Variants in DNAH6 observed in about 807,000 individuals in gnomAD.
DNAH6 encodes the protein axonemal beta dynein heavy chain 6.
DNAH6 carries 340 observed loss-of-function variants against 491.4 expected under a neutral mutation model. The ratio of observed to expected loss-of-function variants is 0.69; its 90% CI spans 0.63 to 0.76. The LOEUF (loss-of-function observed/expected upper bound fraction) is 0.76. Among genes scored for constraint, DNAH6 ranks in the 30% least tolerant of loss-of-function variants. The pLI is 0.00. For synonymous variants in DNAH6, 1,603 were observed against 1,686.1 expected, an observed-to-expected ratio of 0.95 and a Z score of 1.21; for missense variants, 4,443 against 4,972.2, an observed-to-expected ratio of 0.89 and a Z score of 3.20.
chr2:84,568,494 A>G (rs1333412927), intron 11 of DNAH6, among the ~76,000 whole-genome samples: 2 of 152,306 alleles, frequency 1.3e-5, no homozygotes, highest in African/African-American at 4.8e-5. Context: ...ATTCTCACTT[A>G]TAAGTAGAAG....
chr2:84,525,301 C>A (rs896845445), intron 2 of DNAH6, among the ~76,000 whole-genome samples: 6 of 151,886 alleles, frequency 4.0e-5, no homozygotes, highest in Admixed American at 1.3e-4. Context: ...TACTTCTGAG[C>A]CTTTTCTGTT....
intron 62 of DNAH6, among the ~76,000 whole-genome samples, chr2:84,737,815 G>A (rs1253934048): frequency 6.6e-6 from 1 of 151,706 alleles, no homozygotes; most frequent in East Asian, 1.9e-4. Context: ...TGGTTTTTGA[G>A]GTCTCAATTT....
In DNAH6 at chr2:84,713,116, G is replaced by C; in HGVS notation, c.9400G>C (p.Ala3134Pro). ...TAAGCTTAAGGAAACCTTGGATCCA[G>C]CTCTAGAACCCATTCTTTTGAAACA... ...LEELKETLDP[A>P]LEPILLKQIF... The change falls in exon 57 of 77, where the codon GCT becomes CCT. Residue 3134 changes from alanine (A) to proline (P), a missense_variant. Transcript: ENST00000389394. 1 of 1,551,640 alleles carries C rather than the reference G, an allele frequency of 6.4e-7. No individual in the cohort carries two copies. Among genetic ancestry groups the C allele is most frequent in the Non-Finnish European group, 8.7e-7 (1 of 1,146,956 alleles).
chr2:84,787,436 G>A lies in DNAH6; in HGVS notation c.11239+134G>A, dbSNP rs1677313088. 4.7e-6 allele frequency: 3 copies of A among 641,012 alleles called. No homozygotes were observed. The South Asian group carries it at 7.1e-5, about 15-fold the overall frequency. 39.7% of individuals were successfully genotyped at this position (641,012 alleles called of 1,614,324 possible). On this transcript the variant is annotated intron_variant, in intron 68 of 76. Coordinates refer to ENST00000389394, the MANE Select transcript of DNAH6 (RefSeq NM_001370.2). ...GTGATGATGATATTTTATGTTCCTT[G>A]TGTGAAGACAAGATTGTAACAAAAA...
intron 18 of DNAH6, among the ~76,000 whole-genome samples, chr2:84,599,678 AT>A (rs113242440): frequency 0.072 from 10,960 of 152,110 alleles, 1,303 homozygotes; most frequent in African/African-American, 0.25. Flanking sequence ...AATTGACTAT[AT>A]TTTTTAGTCT....
At chr2:84,699,295 A>G (rs1050406849) in intron 47 of DNAH6, among the ~76,000 whole-genome samples, 3 of 152,136 alleles carry the variant, frequency 2.0e-5, no homozygotes, top group Non-Finnish European at 4.4e-5. Flanking sequence ...TCTGCCCCAC[A>G]GCAAAACCTT....
intron 37 of DNAH6, among the ~76,000 whole-genome samples, chr2:84,663,269 C>T (rs1691722879): frequency 6.6e-6 from 1 of 152,164 alleles, no homozygotes; most frequent in Admixed American, 6.5e-5. Flanking sequence ...AAGAAGGCCT[C>T]AGACGATCAG....
chr2:84,676,738 G>A (rs947653898), intron 40 of DNAH6, among the ~76,000 whole-genome samples: 8 of 152,186 alleles, frequency 5.3e-5, no homozygotes, highest in Non-Finnish European at 1.2e-4. Context: ...TAGGATTACA[G>A]TTTCACATAA....
rs1219395280 is a variant in DNAH6 at position 84,557,750 on chromosome 2, G to A, written c.1618G>A (p.Ala540Thr). The stretch of plus-strand genomic sequence containing the variant: ...TCTTTAACAGGATGGTATTTTGGGT[G>A]CAGTTAATCACTGTCAAAACACTGT... ...LEDFLDGILGAVNHCQNTVLS... is the reference protein window; with the variant it reads ...LEDFLDGILGTVNHCQNTVLS... The change falls in exon 11 of 77, where the codon GCA becomes ACA. Residue 540 changes from alanine (A) to threonine (T), a missense_variant. This residue lies in a region of DNAH6 where 2,977 missense variants were observed against 3,296.6 expected (regional missense o/e 0.90). Transcript: ENST00000389394. 3 of 1,583,324 alleles carry A rather than the reference G, an allele frequency of 1.9e-6. No individual in the cohort carries two copies. The highest frequency in any genetic ancestry group is 2.6e-6 in the Non-Finnish European group (3 of 1,161,034).
intron 55 of DNAH6, 132 bp downstream of exon 55, chr2:84,709,678 A>C: frequency 9.7e-7 from 1 of 1,034,582 alleles, no homozygotes; most frequent in East Asian, 2.6e-5. Flanking sequence ...TAGACCTAGA[A>C]GAGAGTGTTA....
chr2:84,784,632 C>A, intron 65 of DNAH6, 90 bp from the exon 66 acceptor site: 1 of 773,254 alleles, frequency 1.3e-6, no homozygotes, highest in Non-Finnish European at 2.1e-6. Context: ...AGCATTTTTT[C>A]CTTCTCTAGA....
At chr2:84,689,380 C>G (rs1694617996) in intron 45 of DNAH6, among the ~76,000 whole-genome samples, 1 of 152,278 alleles carries the variant, frequency 6.6e-6, no homozygotes, top group Admixed American at 6.5e-5. Flanking sequence ...TTCATTTTAT[C>G]ATCTCTCAAT....
In DNAH6 at chr2:84,637,621, A is replaced by G. The variant is rs184217075; in HGVS notation, c.4821+244A>G. Among the ~76,000 whole-genome samples the G allele has an allele frequency of 3.3e-5, 5 of 152,340 alleles. No individual in the cohort carries two copies. In the East Asian group the frequency reaches 7.7e-4, roughly 24 times the overall value. On this transcript the variant is annotated intron_variant, in intron 31 of 76. Transcript: ENST00000389394. The stretch of plus-strand genomic sequence containing the variant: ...AGGCCCCTAAAACTGGAAAGAATCA[A>G]TGAGTTAATTAACCAGTTCATTGGG...
intron 29 of DNAH6, among the ~76,000 whole-genome samples, chr2:84,630,095 C>T (rs1169944018): frequency 7.2e-5 from 11 of 152,032 alleles, no homozygotes; most frequent in Admixed American, 7.2e-4. Context: ...AGTATTTATC[C>T]TGCCTTTTCT....
intron 45 of DNAH6, 66 bp from the exon 46 acceptor site, chr2:84,694,183 G>A: frequency 2.8e-6 from 4 of 1,409,364 alleles, no homozygotes; most frequent in Non-Finnish European, 3.9e-6. Flanking sequence ...TGGCTCTGGG[G>A]CAGGCTCTCT....
intron 36 of DNAH6, among the ~76,000 whole-genome samples, 172 bp downstream of exon 36, chr2:84,658,646 T>G (rs947747723): frequency 3.9e-5 from 6 of 152,132 alleles, no homozygotes; most frequent in Non-Finnish European, 8.8e-5. Context: ...CAAGTAATGT[T>G]AGCATGTATA....
chr2:84,689,751 CTTTTTG>C (rs1230947232), intron 45 of DNAH6, among the ~76,000 whole-genome samples: 1 of 152,178 alleles, frequency 6.6e-6, no homozygotes, highest in Non-Finnish European at 1.5e-5. Context: ...ATTGCAGCCA[CTTTTTG>C]GACAACGCTG....
the DNAH6 span, among the ~76,000 whole-genome samples, chr2:84,510,230 G>A: frequency 2.6e-5 from 4 of 152,126 alleles, no homozygotes; most frequent in African/African-American, 7.2e-5. Context: ...CGTAGATTTG[G>A]TCTTTTCACA....
At chr2:84,556,857 C>G (rs538665022) in intron 10 of DNAH6, among the ~76,000 whole-genome samples, 2 of 152,138 alleles carry the variant, frequency 1.3e-5, no homozygotes, top group Non-Finnish European at 2.9e-5. Flanking sequence ...AGCTTTTTCT[C>G]ATGTCATTAA....
Sources: allele counts gnomAD v4.1 joint callset (sites outside exome capture counted in the v4.1 genomes callset), GRCh38; gene constraint gnomAD v4.1.1; regional missense constraint gnomAD v4.1.1; transcripts MANE v1.5; gene names NCBI Gene and HGNC (gene_info 2026-07-23, HGNC 2026-07-21).